STX12: variants seen among roughly 807,000 people sequenced by gnomAD.
The protein encoded by STX12 is syntaxin-12.
Under a neutral mutation model 42.2 loss-of-function variants are expected in STX12, and 17 were observed. That is an observed-to-expected ratio of 0.40 (90% CI 0.28 to 0.60). The LOEUF is 0.60. Among genes scored for constraint, STX12 ranks in the 20% least tolerant of loss-of-function variants. The probability of loss-of-function intolerance (pLI) is 0.39; values close to 1 mark genes in which losing one functional copy is unlikely to be tolerated. For missense variants in STX12, 297 were observed against 330.9 expected (o/e 0.90, Z 0.79); for synonymous variants, 108 against 116.7 (o/e 0.93, Z 0.48).
chr1:27,783,194 A>G (rs2148597642), intron 1 of STX12, among the ~76,000 whole-genome samples: 1 of 152,330 alleles, frequency 6.6e-6, no homozygotes, highest in African/African-American at 2.4e-5. Context: ...AGTTTAGAGT[A>G]GTTCCTAGTG....
intron 6 of STX12, among the ~76,000 whole-genome samples, chr1:27,816,595 G>GGGAGGGAGGGAGGGATAGAGAGA (rs1297561787): frequency 4.0e-5 from 6 of 150,352 alleles, no homozygotes; most frequent in Non-Finnish European, 6.0e-5. Flanking sequence ...CAGGAAGGAA[G>GGGAGGGAGGGAGGGATAGAGAGA]GGAGGGAGGG....
intron 4 of STX12, among the ~76,000 whole-genome samples, chr1:27,808,603 A>C (rs998400570): frequency 6.6e-6 from 1 of 152,128 alleles, no homozygotes; most frequent in African/African-American, 2.4e-5. Context: ...CGGCCTCTCA[A>C]AGTGCTGGGA....
intron 3 of STX12, among the ~76,000 whole-genome samples, chr1:27,795,857 A>G (rs2088782431): frequency 6.6e-6 from 1 of 152,060 alleles, no homozygotes; most frequent in Non-Finnish European, 1.5e-5. Context: ...GCCATCCAAT[A>G]TCTCCAAACT....
intron 1 of STX12, among the ~76,000 whole-genome samples, chr1:27,788,057 A>G (rs1324242140): frequency 6.6e-6 from 1 of 152,192 alleles, no homozygotes; most frequent in African/African-American, 2.4e-5. Context: ...TCACAAAGAA[A>G]GCTGAATGGC....
At position 27,816,559 on chromosome 1, in the gene STX12, AT is replaced by A. The variant is rs2088943197; in HGVS notation, c.577-1288del. Among the ~76,000 whole-genome samples the A allele has an allele frequency of 3.8e-5, 5 of 132,118 alleles. No homozygotes were observed. In the South Asian group the frequency reaches 1.1e-3, roughly 28 times the overall value. 86.7% of individuals were successfully genotyped at this position (132,118 alleles called of 152,430 possible). On this transcript the variant is annotated intron_variant, in intron 6 of 8. Coordinates refer to ENST00000373943, the MANE Select transcript of STX12 (RefSeq NM_177424.3). Reference sequence around the variant, plus strand: ...GGTGGATCATGCCTGTAATCCCAGCATTTTGGGAGGCCGAGGCAGGCGGATC... The same window carrying A: ...GGTGGATCATGCCTGTAATCCCAGCATTTGGGAGGCCGAGGCAGGCGGATC...
intron 7 of STX12, among the ~76,000 whole-genome samples, chr1:27,818,818 G>A (rs1242674077): frequency 1.3e-5 from 2 of 151,912 alleles, no homozygotes; most frequent in African/African-American, 4.8e-5. Flanking sequence ...AGTAGAGACG[G>A]GGTTTCTCCA....
chr1:27,819,541 G>A lies in STX12; in HGVS notation c.650-109G>A, dbSNP rs929165573. The A allele has an allele frequency of 1.5e-5, 13 of 845,812 alleles. No homozygotes were observed. In the East Asian group the frequency reaches 2.8e-4, roughly 18 times the overall value. 52.4% of individuals were successfully genotyped at this position (845,812 alleles called of 1,614,324 possible). A position where few individuals can be genotyped will look rare whatever the true frequency, so the allele number is the denominator to read the frequency against. ...AGTAACTCGATTTCATGGCTGGATA[G>A]TTTGGATAGTGGTAGTGAAACCAGG... On this transcript the variant is annotated intron_variant, in intron 7 of 8. Coordinates refer to ENST00000373943, the MANE Select transcript of STX12 (RefSeq NM_177424.3).
chr1:27,791,964 CAG>C, intron 2 of STX12, among the ~76,000 whole-genome samples: 1 of 146,700 alleles, frequency 6.8e-6, no homozygotes, highest in East Asian at 2.0e-4. Flanking sequence ...GGCCTGGCGA[CAG>C]AGCAAGACTC....
At position 27,819,637 on chromosome 1, in the gene STX12, C is replaced by T; in HGVS notation, c.650-13C>T. The T allele has an allele frequency of 3.7e-6, 6 of 1,612,228 alleles. No individual in the cohort carries two copies. Among genetic ancestry groups the T allele is most frequent in the Non-Finnish European group, 5.1e-6 (6 of 1,178,700 alleles). On this transcript the variant is annotated splice_polypyrimidine_tract_variant and intron_variant, in intron 7 of 8. Coordinates refer to ENST00000373943, the MANE Select transcript of STX12 (RefSeq NM_177424.3). Reference sequence around the variant, plus strand: ...TGAGTGTGTTAAAACATCCTCTGTCCTTCCTTTTGCAGATAGCATAGAAGC... The same window carrying T: ...TGAGTGTGTTAAAACATCCTCTGTCTTTCCTTTTGCAGATAGCATAGAAGC...
chr1:27,811,627 G>A (rs964421959), intron 5 of STX12, among the ~76,000 whole-genome samples: 8 of 151,576 alleles, frequency 5.3e-5, no homozygotes, highest in Non-Finnish European at 7.4e-5. Flanking sequence ...ATGAGCCACC[G>A]CGCCTGGCCT....
chr1:27,788,673 ATACT>A (rs1356939970), intron 1 of STX12, among the ~76,000 whole-genome samples: 5 of 152,178 alleles, frequency 3.3e-5, no homozygotes, highest in Admixed American at 3.3e-4. Context: ...CTTGTATAAG[ATACT>A]TAATCTCTCT....
At chr1:27,805,817 A>G (rs2088859357) in intron 4 of STX12, among the ~76,000 whole-genome samples, 1 of 152,212 alleles carries the variant, frequency 6.6e-6, no homozygotes, top group Admixed American at 6.5e-5. Context: ...GAAATATACA[A>G]TTGGAAAAGG....
intron 2 of STX12, among the ~76,000 whole-genome samples, chr1:27,791,232 G>A (rs1174004197): frequency 6.6e-6 from 1 of 152,172 alleles, no homozygotes; most frequent in Non-Finnish European, 1.5e-5. Context: ...TTGCACTCCA[G>A]CCTGGGTGAC....
intron 4 of STX12, among the ~76,000 whole-genome samples, chr1:27,805,060 A>G (rs754122682): frequency 2.0e-5 from 3 of 152,154 alleles, no homozygotes; most frequent in Non-Finnish European, 4.4e-5. Context: ...AGTCACTATC[A>G]CGAGAACAAC....
At position 27,822,020 on chromosome 1, in the gene STX12, GA is replaced by G. The variant is rs1180003432; in HGVS notation, c.733-200del. ...GTGACGGAGTGAGACTCTGTCTCAA[GA>G]AAAAAAAAAACACCAAACAAACAAA... is the stretch of plus-strand genomic sequence containing the variant. On this transcript the variant is annotated intron_variant, in intron 8 of 8. Coordinates refer to ENST00000373943, the MANE Select transcript of STX12 (RefSeq NM_177424.3). Among the ~76,000 whole-genome samples, 521 of 144,650 alleles carry G rather than the reference GA, an allele frequency of 3.6e-3. 4 individuals are homozygous for G. The highest frequency in any genetic ancestry group is 0.012 in the African/African-American group (474 of 39,670). The allele number at this position is 144,650 out of a possible 152,430, so 94.9% of individuals were successfully genotyped here. A position where few individuals can be genotyped will look rare whatever the true frequency, so the allele number is the denominator to read the frequency against.
At chr1:27,788,508 T>A (rs2148599071) in intron 1 of STX12, among the ~76,000 whole-genome samples, 1 of 152,252 alleles carries the variant, frequency 6.6e-6, no homozygotes, top group African/African-American at 2.4e-5. Context: ...CCATTCCTAG[T>A]CTTAGCAAAT....
At chr1:27,786,203 C>A (rs984404527) in intron 1 of STX12, among the ~76,000 whole-genome samples, 2 of 152,210 alleles carry the variant, frequency 1.3e-5, no homozygotes, top group Non-Finnish European at 2.9e-5. Context: ...TCCTTGGCCA[C>A]CTCTCTGCTG....
At chr1:27,794,820 C>T (rs758224985) in intron 3 of STX12, among the ~76,000 whole-genome samples, 1 of 152,102 alleles carries the variant, frequency 6.6e-6, no homozygotes, top group Non-Finnish European at 1.5e-5. Flanking sequence ...CTCCTGGGCT[C>T]AAGGGATCCT....
At position 27,773,424 on chromosome 1, in the gene STX12, C is replaced by T. The variant is rs1397904953; in HGVS notation, c.117C>T (p.Ala39=). ...GCAACATCCAGCGGATCAGCCAAGC[C>T]AGTGAGCCGGGGTACCGAGCTGGGG... The part of the protein sequence containing the change: ...CSGNIQRISQ[A]TAQIKNLMSQ... Residue 39 remains alanine (A), a splice_region_variant and synonymous_variant, in exon 1 of 9, where the codon GCC becomes GCT. Transcript: ENST00000373943. 2.3e-5 allele frequency: 37 copies of T among 1,613,518 alleles called. No individual in the cohort carries two copies. Among genetic ancestry groups the T allele is most frequent in the Non-Finnish European group, 3.1e-5 (37 of 1,179,720 alleles).
Sources: gnomAD v4.1 joint callset for allele counts (sites outside exome capture counted in the v4.1 genomes callset) on GRCh38, gnomAD v4.1.1 for gene constraint, MANE v1.5 for transcripts, NCBI Gene and HGNC (gene_info 2026-07-23, HGNC 2026-07-21) for gene names.